MGAT4C: variants seen among roughly 807,000 people sequenced by gnomAD.
MGAT4C encodes the protein MGAT4 family member C.
In MGAT4C, 19 loss-of-function variants were observed where a neutral mutation model predicts 40.1. That is an observed-to-expected ratio of 0.47 (90% CI 0.33 to 0.70). The LOEUF (loss-of-function observed/expected upper bound fraction) is 0.70, where lower values mean the gene tolerates loss of function less well. Ranked by LOEUF, MGAT4C falls within the 30% of genes least tolerant of loss-of-function variation. The pLI is 0.02. For missense variants in MGAT4C, 491 were observed against 563.2 expected (o/e 0.87, Z 1.30); for synonymous variants, 181 against 187.1 (o/e 0.97, Z 0.27).
At chr12:86,674,940 T>G (rs1323695615) in intron 2 of MGAT4C, among the ~76,000 whole-genome samples, 3 of 152,202 alleles carry the variant, frequency 2.0e-5, no homozygotes, top group African/African-American at 7.2e-5. Context: ...CTTTGCATTC[T>G]TTTTAGGACA....
intron 1 of MGAT4C, among the ~76,000 whole-genome samples, chr12:86,105,304 T>C (rs1263022515): frequency 1.3e-5 from 2 of 152,080 alleles, no homozygotes; most frequent in African/African-American, 4.8e-5. Flanking sequence ...TATCAGAGAA[T>C]GTCTTAAAAA....
At chr12:86,377,060 CTTT>C (rs57102882) in intron 3 of MGAT4C, among the ~76,000 whole-genome samples, 2 of 130,664 alleles carry the variant, frequency 1.5e-5, no homozygotes, top group South Asian at 2.4e-4. Flanking sequence ...TAGGCATTTG[CTTT>C]TTTTTTTTTT....
intron 1 of MGAT4C, among the ~76,000 whole-genome samples, chr12:86,752,051 C>A (rs1436783681): frequency 1.3e-5 from 2 of 151,826 alleles, no homozygotes; most frequent in Non-Finnish European, 2.9e-5. Flanking sequence ...AAAAGCATAT[C>A]AAATATAATA....
intron 2 of MGAT4C, among the ~76,000 whole-genome samples, chr12:86,604,735 T>G (rs913300825): frequency 1.3e-5 from 2 of 152,100 alleles, no homozygotes; most frequent in Non-Finnish European, 2.9e-5. Flanking sequence ...AAATGGAAAT[T>G]TAATGCCTTG....
At chr12:86,022,728 G>C (rs1189881229) in intron 2 of MGAT4C, among the ~76,000 whole-genome samples, 1 of 152,036 alleles carries the variant, frequency 6.6e-6, no homozygotes, top group African/African-American at 2.4e-5. Context: ...ATAAGTCCCT[G>C]TTCTTGCACT....
chr12:86,426,871 C>T (rs572987236), intron 3 of MGAT4C, among the ~76,000 whole-genome samples: 3 of 152,108 alleles, frequency 2.0e-5, no homozygotes, highest in East Asian at 3.9e-4. Flanking sequence ...GGCGTGAACC[C>T]GGGAGGCAGA....
chr12:86,700,035 A>AATAGATAGATAGATAGACAG (rs1555220818), intron 2 of MGAT4C, among the ~76,000 whole-genome samples: 1 of 147,624 alleles, frequency 6.8e-6, no homozygotes, highest in Non-Finnish European at 1.5e-5. Flanking sequence ...AATTTAGATA[A>AATAGATAGATAGATAGACAG]ATAGATAGAT....
chr12:86,395,878 A>C (rs1205213858), intron 3 of MGAT4C, among the ~76,000 whole-genome samples: 1 of 152,186 alleles, frequency 6.6e-6, no homozygotes, highest in Non-Finnish European at 1.5e-5. Flanking sequence ...AATTAGTACC[A>C]GGAGTTAACA....
intron 2 of MGAT4C, among the ~76,000 whole-genome samples, chr12:86,629,834 A>G (rs1349635576): frequency 6.6e-6 from 1 of 152,208 alleles, no homozygotes; most frequent in African/African-American, 2.4e-5. Context: ...TAACATCACA[A>G]TTAAAAGAAC....
chr12:86,441,747 T>G (rs1190161263), intron 2 of MGAT4C, among the ~76,000 whole-genome samples: 1 of 152,084 alleles, frequency 6.6e-6, no homozygotes, highest in East Asian at 1.9e-4. Context: ...AGGCAATCAT[T>G]AATGGACATT....
intron 2 of MGAT4C, among the ~76,000 whole-genome samples, chr12:86,547,301 T>C (rs1398608013): frequency 6.6e-6 from 1 of 152,026 alleles, no homozygotes; most frequent in East Asian, 1.9e-4. Context: ...CCTTGTTTTC[T>C]TTCCTCCCCC....
intron 3 of MGAT4C, among the ~76,000 whole-genome samples, chr12:86,422,252 C>T (rs549224041): frequency 6.6e-6 from 1 of 152,310 alleles, no homozygotes; most frequent in Non-Finnish European, 1.5e-5. Flanking sequence ...CTAGCTTAAA[C>T]ACAAGATTAA....
chr12:86,791,151 G>A (rs764387667), intron 1 of MGAT4C, among the ~76,000 whole-genome samples: 1 of 151,994 alleles, frequency 6.6e-6, no homozygotes, highest in East Asian at 1.9e-4. Flanking sequence ...TGTATTTTGG[G>A]GTTTTATACA....
chr12:86,638,246 C>A (rs1284097886), intron 2 of MGAT4C, among the ~76,000 whole-genome samples: 5 of 151,866 alleles, frequency 3.3e-5, no homozygotes, highest in African/African-American at 1.2e-4. Context: ...CTGAAAATAC[C>A]AGTTCAATTT....
chr12:86,437,267 C>T lies in MGAT4C; in HGVS notation c.-228-2002G>A, dbSNP rs548339432. ...GTAGACATTTTTACTAGTTATTTTC[C>T]AATGTACACAATTTGTATTTATATA... On this transcript the variant is annotated intron_variant, in intron 2 of 7. Coordinates refer to the MGAT4C transcript ENST00000548651. 1.7e-3 allele frequency among the ~76,000 whole-genome samples: 265 copies of T among 151,572 alleles called. 2 individuals are homozygous for T. The highest frequency in any genetic ancestry group is 6.1e-3 in the African/African-American group (251 of 41,420).
intron 2 of MGAT4C, among the ~76,000 whole-genome samples, chr12:86,612,242 T>C (rs1962306633): frequency 6.6e-6 from 1 of 152,088 alleles, no homozygotes; most frequent in East Asian, 1.9e-4. Flanking sequence ...ATTTTCTATA[T>C]GTGAATGATC....
chr12:86,767,021 A>G (rs1951522892), intron 1 of MGAT4C, among the ~76,000 whole-genome samples: 1 of 152,226 alleles, frequency 6.6e-6, no homozygotes, highest in Non-Finnish European at 1.5e-5. Flanking sequence ...CTAAAATCAG[A>G]GCAGAAGTGA....
At chr12:86,112,321 C>T (rs190940124) in intron 1 of MGAT4C, among the ~76,000 whole-genome samples, 1 of 151,478 alleles carries the variant, frequency 6.6e-6, no homozygotes, top group Non-Finnish European at 1.5e-5. Flanking sequence ...TCCCCCCCAC[C>T]CTTTTTTTTG....
At chr12:86,539,904 T>C (rs1335701133) in intron 2 of MGAT4C, among the ~76,000 whole-genome samples, 1 of 152,220 alleles carries the variant, frequency 6.6e-6, no homozygotes, top group Non-Finnish European at 1.5e-5. Flanking sequence ...TTTAAGTTCT[T>C]TGTAGTTCCA....
Sources: allele counts gnomAD v4.1 joint callset (sites outside exome capture counted in the v4.1 genomes callset), GRCh38; gene constraint gnomAD v4.1.1; transcripts MANE v1.5; gene names NCBI Gene and HGNC (gene_info 2026-07-23, HGNC 2026-07-21).